Variants in ITGA1 observed in about 807,000 individuals in gnomAD.
ITGA1 encodes the protein integrin subunit alpha 1, also known as integrin alpha-1.
A neutral mutation model predicts 145.9 loss-of-function variants in ITGA1; 85 were observed. That is an observed-to-expected ratio of 0.58 (90% CI 0.49 to 0.70). The LOEUF (loss-of-function observed/expected upper bound fraction) is 0.70, where lower values mean the gene tolerates loss of function less well. ITGA1 is among the 30% of genes least tolerant of loss of function. The probability of loss-of-function intolerance (pLI) is 0.00; values close to 1 mark genes in which losing one functional copy is unlikely to be tolerated. For synonymous variants in ITGA1, 520 were observed against 495.3 expected (o/e 1.05, Z -0.66); for missense variants, 1,351 against 1,418.7 (o/e 0.95, Z 0.77).
intron 2 of ITGA1, among the ~76,000 whole-genome samples, chr5:52,856,813 T>A (rs567357148): frequency 6.6e-6 from 1 of 152,334 alleles, no homozygotes; most frequent in Admixed American, 6.5e-5. Context: ...AGCAATGGTC[T>A]ATAAATTCTC....
rs1212461414 is a variant in ITGA1, at chr5:52,864,860, G to A, written c.384+9G>A. 1 of 1,588,634 alleles carries A rather than the reference G, an allele frequency of 6.3e-7. No individual in the cohort carries two copies. The highest frequency in any genetic ancestry group is 8.6e-7 in the Non-Finnish European group (1 of 1,157,640). ...CAAATGGAGGATTTCTGGTAAGAAT[G>A]GAGAGAATGATATTTATTGACAACA... On this transcript the variant is annotated intron_variant, in intron 4 of 28. Coordinates refer to ENST00000282588, the MANE Select transcript of ITGA1 (RefSeq NM_181501.2).
intron 19 of ITGA1, 62 bp from the exon 20 acceptor site, chr5:52,927,522 A>G: frequency 1.7e-6 from 2 of 1,176,206 alleles, no homozygotes. Flanking sequence ...AAATTCTGAA[A>G]GAACACGTAT....
intron 11 of ITGA1, chr5:52,904,739 G>A (rs1328355278): frequency 6.6e-6 from 1 of 151,962 alleles, no homozygotes; most frequent in Non-Finnish European, 1.5e-5. Flanking sequence ...TGTAGTCCCA[G>A]CTACTCGGGA....
intron 11 of ITGA1, among the ~76,000 whole-genome samples, chr5:52,900,430 A>T (rs2111833556): frequency 1.3e-5 from 2 of 152,306 alleles, no homozygotes; most frequent in East Asian, 3.9e-4. Flanking sequence ...GACCTAACCT[A>T]GGGAAAAAAA....
chr5:52,914,566 G>T (rs182934312), intron 14 of ITGA1, among the ~76,000 whole-genome samples: 12 of 151,316 alleles, frequency 7.9e-5, no homozygotes, highest in African/African-American at 2.9e-4. Context: ...AACCTGGGAA[G>T]TGAAGGTTGC....
At chr5:52,877,639 A>G (rs1290096991) in intron 6 of ITGA1, among the ~76,000 whole-genome samples, 1 of 152,252 alleles carries the variant, frequency 6.6e-6, no homozygotes, top group African/African-American at 2.4e-5. Flanking sequence ...ATATAACTGC[A>G]AAACTGCCCT....
intron 20 of ITGA1, among the ~76,000 whole-genome samples, chr5:52,928,264 A>C (rs1018704813): frequency 6.6e-6 from 1 of 152,196 alleles, no homozygotes; most frequent in African/African-American, 2.4e-5. Context: ...ACTACATAAC[A>C]TATCTGATAA....
At chr5:52,851,822 A>G (rs990219898) in intron 2 of ITGA1, among the ~76,000 whole-genome samples, 7 of 152,212 alleles carry the variant, frequency 4.6e-5, no homozygotes, top group African/African-American at 1.7e-4. Context: ...TAGCCATAGC[A>G]TAAATGTGGG....
At chr5:52,944,261 T>C (rs60478034) in intron 26 of ITGA1, among the ~76,000 whole-genome samples, 36,315 of 151,998 alleles carry the variant, frequency 0.24, 4,586 homozygotes, top group African/African-American at 0.32. Context: ...CCATTGGAGA[T>C]GTTGGGTACT....
chr5:52,892,541 C>A (rs1385097424), intron 8 of ITGA1, among the ~76,000 whole-genome samples: 3 of 152,082 alleles, frequency 2.0e-5, no homozygotes, highest in African/African-American at 7.2e-5. Flanking sequence ...ATTACAGAGA[C>A]CTACATGTGA....
intron 2 of ITGA1, among the ~76,000 whole-genome samples, chr5:52,851,980 C>G (rs1047587707): frequency 2.0e-5 from 3 of 152,096 alleles, no homozygotes; most frequent in Non-Finnish European, 4.4e-5. Context: ...GAGAATAGTG[C>G]CAACAACCAG....
In ITGA1 at chr5:52,885,303, C is replaced by T. The variant is rs991702750; in HGVS notation, c.774-2512C>T. Among the ~76,000 whole-genome samples the T allele has an allele frequency of 5.3e-5, 8 of 152,114 alleles. No individual in the cohort carries two copies. The South Asian group carries it at 6.2e-4, about 12-fold the overall frequency. On this transcript the variant is annotated intron_variant, in intron 7 of 28. Transcript: ENST00000282588. ...CTGGAGAATGAGAGCTGGGGCTGAA[C>T]GTTTCAAGCTTCTGATCATGGCCTG... is the stretch of plus-strand genomic sequence containing the variant.
At position 52,788,033 on chromosome 5, in the gene ITGA1, G is replaced by C. The variant is rs1282066857; in HGVS notation, c.-321G>C. 6 of 319,220 alleles carry C rather than the reference G, an allele frequency of 1.9e-5. No individual in the cohort carries two copies. Among genetic ancestry groups the C allele is most frequent in the Non-Finnish European group, 3.4e-5 (6 of 174,258 alleles). 19.8% of individuals were successfully genotyped at this position (319,220 alleles called of 1,614,324 possible). A position where few individuals can be genotyped will look rare whatever the true frequency, so the allele number is the denominator to read the frequency against. On this transcript the variant is annotated 5_prime_UTR_variant, in exon 1 of 29. Transcript: ENST00000282588. ...AGCCCGTGGACTTTAGCCTAAACAC[G>C]GACCCGCGAAGCTGGCTTTATTTGT...
rs1751314320 is a variant in ITGA1, at chr5:52,956,929, AGG to A, written c.*4479_*4480del. Reference sequence around the variant, plus strand: ...ACACAGAATTTCTGAAACCAACACCAGGTATTAATTGTTAACTGCAGTGAAAG... The same window carrying A: ...ACACAGAATTTCTGAAACCAACACCATATTAATTGTTAACTGCAGTGAAAG... On this transcript the variant is annotated 3_prime_UTR_variant, in exon 29 of 29. Coordinates refer to ENST00000282588, the MANE Select transcript of ITGA1 (RefSeq NM_181501.2). 1 of 152,192 alleles carries A rather than the reference AGG, an allele frequency of 6.6e-6. No individual in the cohort carries two copies. Among genetic ancestry groups the A allele is most frequent in the Non-Finnish European group, 1.5e-5 (1 of 68,034 alleles). 9.4% of individuals were successfully genotyped at this position (152,192 alleles called of 1,614,324 possible).
At chr5:52,827,566 G>A (rs192581479) in intron 1 of ITGA1, among the ~76,000 whole-genome samples, 17 of 152,290 alleles carry the variant, frequency 1.1e-4, no homozygotes, top group African/African-American at 3.6e-4. Context: ...ATATTCAACC[G>A]TGGGTAAAAT....
chr5:52,896,869 T>C (rs1202918769), intron 9 of ITGA1, among the ~76,000 whole-genome samples: 1 of 152,178 alleles, frequency 6.6e-6, no homozygotes, highest in African/African-American at 2.4e-5. Flanking sequence ...AAGACCCCTC[T>C]GGATCTGTGA....
chr5:52,872,333 G>C (rs1319184185), intron 6 of ITGA1, among the ~76,000 whole-genome samples: 1 of 151,958 alleles, frequency 6.6e-6, no homozygotes, highest in Non-Finnish European at 1.5e-5. Context: ...GGAATGGGGT[G>C]AATCTTCTCT....
At chr5:52,815,817 T>C (rs547621524) in intron 1 of ITGA1, among the ~76,000 whole-genome samples, 9 of 152,340 alleles carry the variant, frequency 5.9e-5, no homozygotes, top group African/African-American at 2.2e-4. Flanking sequence ...TGGGTTGTGA[T>C]GCAATTTGAT....
At chr5:52,871,710 A>G (rs527296179) in intron 6 of ITGA1, among the ~76,000 whole-genome samples, 1 of 143,066 alleles carries the variant, frequency 7.0e-6, no homozygotes, top group African/African-American at 2.7e-5. Flanking sequence ...ATACAACACA[A>G]CGATGGAAAC....
Sources: gnomAD v4.1 joint callset for allele counts (sites outside exome capture counted in the v4.1 genomes callset) on GRCh38, gnomAD v4.1.1 for gene constraint, MANE v1.5 for transcripts, NCBI Gene and HGNC (gene_info 2026-07-23, HGNC 2026-07-21) for gene names.